Variants in NUP98 observed in about 807,000 individuals in gnomAD.
NUP98 encodes the protein nucleoporin 98 and 96 precursor.
NUP98 carries 26 observed loss-of-function variants against 191.9 expected under a neutral mutation model. The ratio of observed to expected loss-of-function variants is 0.14; its 90% CI spans 0.10 to 0.19. The LOEUF (loss-of-function observed/expected upper bound fraction) is 0.19, where lower values mean the gene tolerates loss of function less well. NUP98 is among the 10% of genes least tolerant of loss of function. The probability of loss-of-function intolerance (pLI) is 1.00; values close to 1 mark genes in which losing one functional copy is unlikely to be tolerated. For missense variants in NUP98, 1,941 were observed against 2,178.8 expected (o/e 0.89, Z 2.17); for synonymous variants, 808 against 778.4 (o/e 1.04, Z -0.63).
At chr11:3,737,484 A>C (rs1028146474) in intron 12 of NUP98, among the ~76,000 whole-genome samples, 3 of 152,062 alleles carry the variant, frequency 2.0e-5, no homozygotes, top group Non-Finnish European at 2.9e-5. Flanking sequence ...AAAATTAGCC[A>C]GGCATGGTGG....
intron 10 of NUP98, among the ~76,000 whole-genome samples, chr11:3,754,787 C>T (rs1163610540): frequency 1.3e-5 from 2 of 151,760 alleles, no homozygotes; most frequent in Non-Finnish European, 2.9e-5. Context: ...ACTAAAAATA[C>T]ACAAATTAGC....
At chr11:3,683,482 C>G in intron 29 of NUP98, 41 bp from the exon 30 acceptor site, 15 of 1,607,594 alleles carry the variant, frequency 9.3e-6, no homozygotes, top group Non-Finnish European at 1.2e-5. Context: ...CATCCTCATT[C>G]ATGGAGAAGG....
At chr11:3,736,102 T>G (rs1410700579) in intron 12 of NUP98, among the ~76,000 whole-genome samples, 1 of 146,390 alleles carries the variant, frequency 6.8e-6, no homozygotes, top group African/African-American at 2.6e-5. Flanking sequence ...GTGTGTGTTT[T>G]GTTTTTTTTT....
At chr11:3,720,963 A>AAGG in intron 16 of NUP98, 138 bp from the exon 17 acceptor site, 1 of 471,046 alleles carries the variant, frequency 2.1e-6, no homozygotes, top group Non-Finnish European at 3.7e-6. Flanking sequence ...TTCCTAGGAG[A>AAGG]AGGGGTGTGT....
intron 13 of NUP98, 112 bp downstream of exon 13, chr11:3,735,079 T>C: frequency 2.1e-6 from 2 of 952,956 alleles, no homozygotes; most frequent in Non-Finnish European, 1.4e-6. Flanking sequence ...AAAAAATTAA[T>C]TACACCTAGC....
intron 12 of NUP98, among the ~76,000 whole-genome samples, chr11:3,735,528 G>A (rs1202683419): frequency 6.6e-6 from 1 of 151,958 alleles, no homozygotes; most frequent in Non-Finnish European, 1.5e-5. Context: ...TCAAATTTAG[G>A]AAGAGACATT....
chr11:3,756,606 A>T (rs1287446214), intron 10 of NUP98, among the ~76,000 whole-genome samples: 2 of 123,852 alleles, frequency 1.6e-5, no homozygotes, highest in African/African-American at 6.3e-5. Context: ...TGTTTTTAGT[A>T]GAAATGGGGT....
At chr11:3,783,748 C>T (rs2082051564) in intron 1 of NUP98, among the ~76,000 whole-genome samples, 2 of 152,084 alleles carry the variant, frequency 1.3e-5, no homozygotes, top group Admixed American at 6.6e-5. Context: ...AATTATTTTA[C>T]TCCTGTATCC....
chr11:3,791,962 G>A (rs891572902), intron 1 of NUP98, among the ~76,000 whole-genome samples: 5 of 151,272 alleles, frequency 3.3e-5, no homozygotes, highest in South Asian at 4.2e-4. Flanking sequence ...AGCGGATCAC[G>A]AGGTCAGGAG....
At chr11:3,796,736 C>T (rs1365283666) in intron 1 of NUP98, among the ~76,000 whole-genome samples, 1 of 152,182 alleles carries the variant, frequency 6.6e-6, no homozygotes, top group African/African-American at 2.4e-5. Flanking sequence ...CCTGTTACTC[C>T]GGGCCTCGGT....
chr11:3,736,460 A>C lies in NUP98; in HGVS notation c.1409-1136T>G, dbSNP rs111666887. On this transcript the variant is annotated intron_variant, in intron 12 of 32. Transcript: ENST00000324932. ...CACTTGAGGTGAGGAGTTTGAGACC[A>C]ACCTGGCCAATACAGTGAAACCCCA... Among the ~76,000 whole-genome samples, 485 of 152,258 alleles carry C rather than the reference A, an allele frequency of 3.2e-3. 10 individuals are homozygous for C. Among genetic ancestry groups the C allele is most frequent in the African/African-American group, 0.011 (458 of 41,544 alleles).
chr11:3,760,334 T>A, intron 10 of NUP98: 1 of 627,810 alleles, frequency 1.6e-6, no homozygotes, highest in Non-Finnish European at 2.7e-6. Flanking sequence ...TCTCAAGCCA[T>A]ATCCAGGACT....
intron 1 of NUP98, among the ~76,000 whole-genome samples, chr11:3,786,498 A>G (rs1256211307): frequency 1.3e-5 from 2 of 152,338 alleles, no homozygotes; most frequent in South Asian, 4.1e-4. Context: ...AAGAAAAATG[A>G]AATAGTGTTA....
At chr11:3,706,665 T>C in intron 20 of NUP98, 38 bp from the exon 21 acceptor site, 1 of 1,557,678 alleles carries the variant, frequency 6.4e-7, no homozygotes, top group South Asian at 1.1e-5. Flanking sequence ...CAGCATTAAA[T>C]TATACCAAAC....
intron 6 of NUP98, among the ~76,000 whole-genome samples, chr11:3,772,587 G>A (rs2081564824): frequency 6.6e-6 from 1 of 152,140 alleles, no homozygotes. Context: ...GGAGGCTGAG[G>A]TGGACGGATC....
chr11:3,754,198 G>A (rs936966603), intron 10 of NUP98, among the ~76,000 whole-genome samples: 3 of 152,218 alleles, frequency 2.0e-5, no homozygotes, highest in Non-Finnish European at 4.4e-5. Flanking sequence ...GGAGGCCAAG[G>A]TGGGCGGATC....
chr11:3,678,713 C>G (rs955284447), intron 31 of NUP98, among the ~76,000 whole-genome samples: 5 of 152,062 alleles, frequency 3.3e-5, no homozygotes, highest in Non-Finnish European at 7.3e-5. Context: ...AGGAGTAAGG[C>G]AGGAAAGGTA....
chr11:3,725,240 G>A (rs1197839464), intron 14 of NUP98, 21 bp from the exon 15 acceptor site: 4 of 1,196,598 alleles, frequency 3.3e-6, no homozygotes, highest in South Asian at 2.5e-5. Flanking sequence ...GAAACCAAAA[G>A]AAGAAGAAAA....
At chr11:3,747,140 G>A (rs1326477907) in intron 11 of NUP98, among the ~76,000 whole-genome samples, 1 of 152,130 alleles carries the variant, frequency 6.6e-6, no homozygotes, top group East Asian at 1.9e-4. Flanking sequence ...CTGGTAATTT[G>A]TCAAGATAGG....
Sources: gnomAD v4.1 joint callset for allele counts (sites outside exome capture counted in the v4.1 genomes callset) on GRCh38, gnomAD v4.1.1 for gene constraint, MANE v1.5 for transcripts, NCBI Gene and HGNC (gene_info 2026-07-23, HGNC 2026-07-21) for gene names.